TNFSF4: variants seen among roughly 807,000 people sequenced by gnomAD.
The protein encoded by TNFSF4 is tumor necrosis factor ligand superfamily member 4.
Under a neutral mutation model 7.3 loss-of-function variants are expected in TNFSF4, and 4 were observed. The observed-to-expected ratio is 0.55, with a 90% CI of 0.27 to 1.25. The LOEUF (loss-of-function observed/expected upper bound fraction) is 1.25. Ranked by LOEUF, TNFSF4 falls within the 50% of genes most tolerant of loss-of-function variation. The pLI, the probability that TNFSF4 is intolerant of heterozygous loss-of-function variation, is 0.12. For missense variants in TNFSF4, 181 were observed against 208.8 expected (o/e 0.87, Z 0.82); for synonymous variants, 76 against 83.7 (o/e 0.91, Z 0.50).
chr1:173,445,350 C>T, the TNFSF4 span, among the ~76,000 whole-genome samples: 649 of 152,234 alleles, frequency 4.3e-3, 6 homozygotes, highest in African/African-American at 0.015. Context: ...AAATGAGCTG[C>T]GATGGGGGTG....
chr1:173,229,990 G>T, the TNFSF4 span, among the ~76,000 whole-genome samples: 95,383 of 151,788 alleles, frequency 0.63, 31,943 homozygotes, highest in African/African-American at 0.87. Context: ...AATGGGAGAC[G>T]TTAACACCCC....
At chr1:173,293,377 A>C in the TNFSF4 span, among the ~76,000 whole-genome samples, 2 of 151,612 alleles carry the variant, frequency 1.3e-5, no homozygotes, top group Non-Finnish European at 3.0e-5. Context: ...TGAGGAAAAG[A>C]CTCTTCAATA....
the TNFSF4 span, among the ~76,000 whole-genome samples, chr1:173,381,328 G>A: frequency 3.3e-5 from 5 of 152,288 alleles, no homozygotes; most frequent in East Asian, 9.6e-4. Context: ...GGGATAGTAT[G>A]AGATGCCACC....
chr1:173,269,943 G>A, the TNFSF4 span, among the ~76,000 whole-genome samples: 1 of 152,108 alleles, frequency 6.6e-6, no homozygotes, highest in Non-Finnish European at 1.5e-5. Flanking sequence ...CCAGCCAAGA[G>A]GCTATTGCAA....
the TNFSF4 span, among the ~76,000 whole-genome samples, chr1:173,410,734 C>T: frequency 6.6e-6 from 1 of 152,174 alleles, no homozygotes; most frequent in Non-Finnish European, 1.5e-5. Flanking sequence ...TCACTGGCCT[C>T]CAGGTTATCA....
At chr1:173,430,194 G>A in the TNFSF4 span, among the ~76,000 whole-genome samples, 7 of 152,330 alleles carry the variant, frequency 4.6e-5, no homozygotes, top group South Asian at 6.2e-4. Flanking sequence ...AGGCAGCACT[G>A]AGAAAGAACA....
chr1:173,282,389 G>T, the TNFSF4 span, among the ~76,000 whole-genome samples: 1 of 151,572 alleles, frequency 6.6e-6, no homozygotes, highest in Non-Finnish European at 1.5e-5. Flanking sequence ...TTTGTTATAG[G>T]ATCTTATATA....
chr1:173,272,891 T>C, the TNFSF4 span, among the ~76,000 whole-genome samples: 1 of 152,122 alleles, frequency 6.6e-6, no homozygotes, highest in African/African-American at 2.4e-5. Context: ...ATCTCATTCA[T>C]TTAAAATTCC....
chr1:173,440,641 C>T, the TNFSF4 span: 1 of 152,182 alleles, frequency 6.6e-6, no homozygotes, highest in Non-Finnish European at 1.5e-5. Context: ...AAGAACCAAG[C>T]ACTTTGGTCA....
At chr1:173,228,417 A>C in the TNFSF4 span, among the ~76,000 whole-genome samples, 1 of 152,308 alleles carries the variant, frequency 6.6e-6, no homozygotes, top group African/African-American at 2.4e-5. Flanking sequence ...CCACACCAAA[A>C]CCCCATCTAT....
At chr1:173,312,487 C>T in the TNFSF4 span, among the ~76,000 whole-genome samples, 1 of 152,028 alleles carries the variant, frequency 6.6e-6, no homozygotes, top group Non-Finnish European at 1.5e-5. Context: ...ATAACATCCT[C>T]CTTTTTCCTC....
At chr1:173,366,259 T>C in the TNFSF4 span, among the ~76,000 whole-genome samples, 67 of 152,230 alleles carry the variant, frequency 4.4e-4, no homozygotes, top group African/African-American at 1.6e-3. Context: ...ATAAAGAAAA[T>C]GTGGTATTAA....
chr1:173,227,588 TG>T, the TNFSF4 span, among the ~76,000 whole-genome samples: 1 of 151,966 alleles, frequency 6.6e-6, no homozygotes. Context: ...GCACAGTGGG[TG>T]CAGAGCAGTG....
At chr1:173,224,908 CCA>C in the TNFSF4 span, among the ~76,000 whole-genome samples, 34 of 152,314 alleles carry the variant, frequency 2.2e-4, no homozygotes, top group South Asian at 7.0e-3. Context: ...ATGTTTTTTG[CCA>C]CACCTTTGCA....
At chr1:173,378,372 G>A in the TNFSF4 span, among the ~76,000 whole-genome samples, 226 of 152,300 alleles carry the variant, frequency 1.5e-3, 1 homozygote, top group African/African-American at 4.8e-3. Flanking sequence ...TCCAGGGACC[G>A]TTGTGGGTCC....
At chr1:173,382,440 A>G in the TNFSF4 span, among the ~76,000 whole-genome samples, 8 of 152,180 alleles carry the variant, frequency 5.3e-5, no homozygotes, top group African/African-American at 1.9e-4. Flanking sequence ...GAAGGAACCA[A>G]TTCCGGACAC....
the TNFSF4 span, among the ~76,000 whole-genome samples, chr1:173,290,916 C>G: frequency 6.6e-6 from 1 of 152,106 alleles, no homozygotes; most frequent in South Asian, 2.1e-4. Flanking sequence ...GAAAGTAATA[C>G]CAACAAGCTC....
chr1:173,385,464 T>C, the TNFSF4 span, among the ~76,000 whole-genome samples: 2 of 152,240 alleles, frequency 1.3e-5, no homozygotes, highest in Admixed American at 6.5e-5. Flanking sequence ...TTAGTGATGA[T>C]GTTATACTCA....
chr1:173,205,289 T>C (rs765874567), intron 1 of TNFSF4: 1 of 1,611,652 alleles, frequency 6.2e-7, no homozygotes, highest in Non-Finnish European at 8.5e-7. Context: ...TAGAAGCTAA[T>C]TCTCCCCTAG....
Sources: gnomAD v4.1 joint callset for allele counts (sites outside exome capture counted in the v4.1 genomes callset) on GRCh38, gnomAD v4.1.1 for gene constraint, MANE v1.5 for transcripts, NCBI Gene and HGNC (gene_info 2026-07-23, HGNC 2026-07-21) for gene names.